Variants in CHRDL1 observed in about 807,000 individuals in gnomAD.
The protein encoded by CHRDL1 is chordin-like protein 1.
CHRDL1 carries 19 observed loss-of-function variants against 40.9 expected under a neutral mutation model. The ratio of observed to expected loss-of-function variants is 0.46; its 90% confidence interval spans 0.32 to 0.68. The LOEUF (loss-of-function observed/expected upper bound fraction) is 0.68. CHRDL1 is among the 30% of genes least tolerant of loss of function. The probability of loss-of-function intolerance (pLI) is 0.03; values close to 1 mark genes in which losing one functional copy is unlikely to be tolerated. For synonymous variants in CHRDL1, 136 were observed against 123.4 expected, an observed-to-expected ratio of 1.10 and a Z score of -0.68; for missense variants, 329 against 352.1, an observed-to-expected ratio of 0.93 and a Z score of 0.53.
chrX:110,716,720 C>T (rs190487387), intron 6 of CHRDL1, among the ~76,000 whole-genome samples: 112 of 111,276 alleles, frequency 1.0e-3, no homozygotes, highest in African/African-American at 3.2e-3. Flanking sequence ...GACCTGAGGA[C>T]GGCCTGCAAT....
At chrX:110,774,954 A>C (rs2089827485) in intron 2 of CHRDL1, among the ~76,000 whole-genome samples, 2 of 112,039 alleles carry the variant, frequency 1.8e-5, no homozygotes, top group Non-Finnish European at 3.8e-5. Context: ...CATACTTTGC[A>C]ACAGAAATTG....
intron 6 of CHRDL1, among the ~76,000 whole-genome samples, chrX:110,703,288 C>G (rs928156513): frequency 4.5e-5 from 5 of 111,559 alleles, no homozygotes; most frequent in African/African-American, 1.6e-4. Context: ...GCGTACACAT[C>G]AGGTGCTCAA....
At chrX:110,686,755 T>C (rs1175938623) in intron 9 of CHRDL1, among the ~76,000 whole-genome samples, 1 of 108,904 alleles carries the variant, frequency 9.2e-6, no homozygotes, top group African/African-American at 3.4e-5. Context: ...TGCGTGCCTA[T>C]AGTCCCAGCT....
intron 4 of CHRDL1, among the ~76,000 whole-genome samples, chrX:110,728,788 A>G (rs1603201405): frequency 8.9e-6 from 1 of 111,967 alleles, no homozygotes; most frequent in East Asian, 2.8e-4. Flanking sequence ...CATCTCAGTC[A>G]GGCAAAGTAA....
intron 7 of CHRDL1, among the ~76,000 whole-genome samples, chrX:110,699,598 T>C (rs930078297): frequency 1.8e-5 from 2 of 112,649 alleles, no homozygotes; most frequent in Admixed American, 1.9e-4. Flanking sequence ...TTAGCACACC[T>C]GACATGTTGG....
chrX:110,748,431 T>C (rs1461022735), intron 4 of CHRDL1, among the ~76,000 whole-genome samples: 1 of 111,997 alleles, frequency 8.9e-6, no homozygotes, highest in Non-Finnish European at 1.9e-5. Flanking sequence ...CTGGGGAACA[T>C]TAATAAGGAA....
At chrX:110,732,709 T>C (rs749580063) in intron 4 of CHRDL1, among the ~76,000 whole-genome samples, 43 of 106,442 alleles carry the variant, frequency 4.0e-4, no homozygotes, top group Non-Finnish European at 6.8e-4. Context: ...GAGGAGAGAG[T>C]GTGCAAGAAA....
intron 4 of CHRDL1, among the ~76,000 whole-genome samples, chrX:110,724,131 T>G (rs1389501103): frequency 8.9e-6 from 1 of 112,480 alleles, no homozygotes; most frequent in African/African-American, 3.2e-5. Flanking sequence ...TACAGTGACC[T>G]ACAAAATAAT....
intron 4 of CHRDL1, among the ~76,000 whole-genome samples, chrX:110,750,347 G>A (rs1258549812): frequency 9.0e-6 from 1 of 111,076 alleles, no homozygotes; most frequent in Non-Finnish European, 1.9e-5. Context: ...CTGATCCGAT[G>A]GCTGGACAGG....
At position 110,697,198 on chromosome X, in the gene CHRDL1, T is replaced by G. The variant is rs772711284; in HGVS notation, c.610-2867A>C. Among the ~76,000 whole-genome samples the G allele has an allele frequency of 1.4e-4, 16 of 111,132 alleles. No homozygotes were observed. The South Asian group carries it at 6.2e-3, about 43-fold the overall frequency. On this transcript the variant is annotated intron_variant, in intron 7 of 11. Coordinates refer to ENST00000372042, the MANE Select transcript of CHRDL1 (RefSeq NM_001143981.2). ...TGAAAAATATTTCAGGCTTTAGAGG[T>G]GGCTCTAAAACAGTTCTTTTCCAGT... is the stretch of plus-strand genomic sequence containing the variant.
At chrX:110,770,976 G>T (rs761831828) in intron 2 of CHRDL1, among the ~76,000 whole-genome samples, 1 of 110,264 alleles carries the variant, frequency 9.1e-6, no homozygotes, top group Non-Finnish European at 1.9e-5. Flanking sequence ...GTAAAACCCT[G>T]TCTCTATTAA....
intron 4 of CHRDL1, among the ~76,000 whole-genome samples, chrX:110,742,816 T>C (rs1295697146): frequency 9.0e-6 from 1 of 111,514 alleles, no homozygotes; most frequent in East Asian, 2.8e-4. Flanking sequence ...TTGTCAAATA[T>C]GGGGAGAGGC....
intron 6 of CHRDL1, among the ~76,000 whole-genome samples, chrX:110,710,529 TG>T (rs2070729032): frequency 8.9e-6 from 1 of 112,460 alleles, no homozygotes; most frequent in African/African-American, 3.2e-5. Context: ...GCTATTAATT[TG>T]TTAAACTCAA....
chrX:110,771,587 A>T (rs1293902065), intron 2 of CHRDL1, among the ~76,000 whole-genome samples: 1 of 112,545 alleles, frequency 8.9e-6, no homozygotes, highest in African/African-American at 3.2e-5. Flanking sequence ...AAAATCATGT[A>T]ATCATTGCCA....
At chrX:110,691,421 G>A (rs2070275345) in intron 8 of CHRDL1, among the ~76,000 whole-genome samples, 1 of 110,648 alleles carries the variant, frequency 9.0e-6, no homozygotes, top group Non-Finnish European at 1.9e-5. Context: ...CTTTTTGAGA[G>A]TGCTGAGACA....
rs1284698607 is a variant in CHRDL1, at chrX:110,771,686, T to C, written c.95-8879A>G. ...TAGAATGAGTACTTCCTCAACCTGA[T>C]AAAGGGCATCTACAAAAAACCTATA... On this transcript the variant is annotated intron_variant, in intron 2 of 11. Coordinates refer to ENST00000372042, the MANE Select transcript of CHRDL1 (RefSeq NM_001143981.2). 6.3e-5 allele frequency among the ~76,000 whole-genome samples: 7 copies of C among 111,523 alleles called. No homozygotes were observed. In the East Asian group the frequency reaches 1.7e-3, roughly 27 times the overall value.
At chrX:110,702,243 C>T (rs1238424058) in intron 6 of CHRDL1, among the ~76,000 whole-genome samples, 3 of 111,221 alleles carry the variant, frequency 2.7e-5, no homozygotes, top group Non-Finnish European at 5.7e-5. Context: ...TTGTTGCTTC[C>T]GTGCTGTAGC....
intron 4 of CHRDL1, among the ~76,000 whole-genome samples, chrX:110,727,638 T>C (rs983137926): frequency 8.9e-6 from 1 of 112,101 alleles, no homozygotes; most frequent in African/African-American, 3.2e-5. Flanking sequence ...ATCAACCTCA[T>C]TCATTAGAGA....
intron 6 of CHRDL1, 91 bp from the exon 7 acceptor site, chrX:110,700,812 G>A (rs1257451648): frequency 1.7e-6 from 1 of 605,878 alleles, no homozygotes; most frequent in Non-Finnish European, 2.7e-6. Context: ...TTGGTACTAT[G>A]ATCCCAAAGT....
Sources: allele counts gnomAD v4.1 joint callset (sites outside exome capture counted in the v4.1 genomes callset), GRCh38; gene constraint gnomAD v4.1.1; transcripts MANE v1.5; gene names NCBI Gene and HGNC (gene_info 2026-07-23, HGNC 2026-07-21).